The following SPRING1 variants were observed in gnomAD, a reference collection of about 807,000 sequenced individuals.
SPRING1 encodes SREBF pathway regulator in golgi 1.
A neutral mutation model predicts 24.7 loss-of-function variants in SPRING1; 14 were observed. The ratio of observed to expected loss-of-function variants is 0.57; its 90% CI spans 0.37 to 0.88. SPRING1 has a LOEUF of 0.88. SPRING1 is among the 40% of genes least tolerant of loss of function. The pLI, the probability that SPRING1 is intolerant of heterozygous loss-of-function variation, is 0.00. For synonymous variants in SPRING1, 93 were observed against 106.1 expected (o/e 0.88, Z 0.76); for missense variants, 255 against 268.4 (o/e 0.95, Z 0.35).
chr12:116,717,861 G>C lies in SPRING1; in HGVS notation c.567C>G (p.Pro189=). 1 of 1,608,720 alleles carries C rather than the reference G, an allele frequency of 6.2e-7. No homozygotes were observed. ...SVQHENTYRD[P]IAKYCYGESP... The stretch of plus-strand genomic sequence containing the variant: ...TTTCTCCATAGCAATACTTTGCTAT[G>C]GGGTCCCGGTAGGTGTTCTCATGCT... The change falls in exon 5 of 5, where the codon CCC becomes CCG. Residue 189 remains proline, a synonymous_variant. Coordinates refer to ENST00000261318, the MANE Select transcript of SPRING1 (RefSeq NM_024738.4). The surrounding 1 kb of genome is among the most constrained non-coding windows in gnomAD (Gnocchi z 4.2).
At position 116,720,614 on chromosome 12, in the gene SPRING1, T is replaced by C. The variant is rs1326271928; in HGVS notation, c.269-167A>G. The stretch of plus-strand genomic sequence containing the variant: ...TGGACATAATGTGAGTGGGGCTTAC[T>C]TTCCCCAGGCAGTCGTTTCCAGGAA... On this transcript the variant is annotated intron_variant, in intron 2 of 4. Transcript: ENST00000261318. This position sits in a 1 kb window ranked among gnomAD's most constrained non-coding sequence, Gnocchi z 4.0. Among the ~76,000 whole-genome samples, 1 of 151,740 alleles carries C rather than the reference T, an allele frequency of 6.6e-6. No homozygotes were observed. The highest frequency in any genetic ancestry group is 6.6e-5 in the Admixed American group (1 of 15,206).
Position 116,717,055 on chromosome 12 carries a change from T to C in SPRING1, c.*755A>G, listed in dbSNP as rs1244490972. ...CTCTCCATAGGGTATATGAGCACAT[T>C]CGACTACCACTGGAAAATAACCTGA... On this transcript the variant is annotated 3_prime_UTR_variant, in exon 5 of 5. Transcript: ENST00000261318. The surrounding 1 kb of genome is among the most constrained non-coding windows in gnomAD (Gnocchi z 4.2). 6.6e-6 allele frequency: 1 copy of C among 152,238 alleles called. No individual in the cohort carries two copies. Among genetic ancestry groups the C allele is most frequent in the Admixed American group, 6.5e-5 (1 of 15,274 alleles). 9.4% of individuals were successfully genotyped at this position (152,238 alleles called of 1,614,324 possible). A position where few individuals can be genotyped will look rare whatever the true frequency, so the allele number is the denominator to read the frequency against.
In SPRING1 at chr12:116,737,837, C is replaced by G; in HGVS notation, c.64G>C (p.Val22Leu). The change falls in exon 1 of 5, where the codon GTC becomes CTC. Residue 22 changes from valine to leucine, a missense_variant. Transcript: ENST00000261318. ...LLRKRWVLAL[V>L]FGLSLVYFLS... is the part of the protein sequence containing the mutation. ...AAGTAGACGAGCGACAGCCCGAAGACCAGGGCGAGCACCCACCTCTTCCGC... is the reference window on the plus strand; with the variant it reads ...AAGTAGACGAGCGACAGCCCGAAGAGCAGGGCGAGCACCCACCTCTTCCGC... The G allele has an allele frequency of 6.3e-7, 1 of 1,595,148 alleles. No individual in the cohort carries two copies. The highest frequency in any genetic ancestry group is 2.4e-5 in the East Asian group (1 of 41,368).
chr12:116,733,587 G>T (rs185625444), intron 1 of SPRING1, among the ~76,000 whole-genome samples: 2 of 152,056 alleles, frequency 1.3e-5, no homozygotes, highest in African/African-American at 4.8e-5. Flanking sequence ...AAATATTTTT[G>T]TACAGCTTTA....
At chr12:116,735,877 C>G (rs892766453) in intron 1 of SPRING1, among the ~76,000 whole-genome samples, 3 of 150,122 alleles carry the variant, frequency 2.0e-5, no homozygotes, top group Non-Finnish European at 3.0e-5. Flanking sequence ...CCCGTTTCTA[C>G]TAAAAATACA....
chr12:116,735,067 T>C (rs1342334949), intron 1 of SPRING1, among the ~76,000 whole-genome samples: 1 of 151,952 alleles, frequency 6.6e-6, no homozygotes, highest in African/African-American at 2.4e-5. Context: ...TCTGAAGAAA[T>C]GAGCAGATTC....
chr12:116,711,219 C>T lies in SPRING1; in HGVS notation c.*6591G>A, dbSNP rs552941706. On this transcript the variant is annotated 3_prime_UTR_variant, in exon 5 of 5. Coordinates refer to ENST00000261318, the MANE Select transcript of SPRING1 (RefSeq NM_024738.4). Reference sequence around the variant, plus strand: ...CACAGGACAGGACAACACTCTCTCTCGCTCTCTCTCTTCCTTAAGAATAGT... The same window carrying T: ...CACAGGACAGGACAACACTCTCTCTTGCTCTCTCTCTTCCTTAAGAATAGT... 2 of 152,376 alleles carry T rather than the reference C, an allele frequency of 1.3e-5. No homozygotes were observed. Among genetic ancestry groups the T allele is most frequent in the South Asian group, 2.1e-4 (1 of 4,830 alleles). The allele number at this position is 152,376 out of a possible 1,614,324, so 9.4% of individuals were successfully genotyped here.
At position 116,737,962 on chromosome 12, in the gene SPRING1, C is replaced by A. The variant is rs1410254700; in HGVS notation, c.-62G>T. 1.4e-5 allele frequency: 18 copies of A among 1,266,146 alleles called. No homozygotes were observed. Among genetic ancestry groups the A allele is most frequent in the South Asian group, 8.2e-5 (3 of 36,524 alleles). The allele number at this position is 1,266,146 out of a possible 1,614,324, so 78.4% of individuals were successfully genotyped here. On this transcript the variant is annotated 5_prime_UTR_variant, in exon 1 of 5. Transcript: ENST00000261318. ...GAACGCGGCAGGCCCGGGTCCCGGG[C>A]GGCATGGCCCCTACGCGCCCGGCAG...
chr12:116,723,092 C>T lies in SPRING1; in HGVS notation c.243G>A (p.Gly81=), dbSNP rs750015586. The stretch of plus-strand genomic sequence containing the variant: ...CGAGTTCATCCGTGATGAGGTGCTT[C>T]CCTTGAATGGAGTTGCGGCACTGAT... ...PSNQCRNSIQ[G]KHLITDELGY... Residue 81 remains glycine (G), a synonymous_variant, in exon 2 of 5, where the codon GGG becomes GGA. Transcript: ENST00000261318. The T allele has an allele frequency of 1.2e-5, 19 of 1,612,536 alleles. No individual in the cohort carries two copies. The South Asian group carries it at 2.0e-4, about 17-fold the overall frequency.
rs1870529269 is a variant in SPRING1, at chr12:116,723,235, C to T, written c.112-12G>A. Reference sequence around the variant, plus strand: ...ACTGCCCTCTCCTCCTGCAAAGAAACCATAAGTGAGAAGGTTAAGTATCCA... The same window carrying T: ...ACTGCCCTCTCCTCCTGCAAAGAAATCATAAGTGAGAAGGTTAAGTATCCA... On this transcript the variant is annotated splice_polypyrimidine_tract_variant and intron_variant, in intron 1 of 4. Transcript: ENST00000261318. 6 of 1,613,788 alleles carry T rather than the reference C, an allele frequency of 3.7e-6. No individual in the cohort carries two copies. The highest frequency in any genetic ancestry group is 5.1e-6 in the Non-Finnish European group (6 of 1,179,912).
At chr12:116,733,078 C>A (rs537260707) in intron 1 of SPRING1, among the ~76,000 whole-genome samples, 2 of 152,128 alleles carry the variant, frequency 1.3e-5, no homozygotes, top group African/African-American at 2.4e-5. Flanking sequence ...CTGAAAAAAG[C>A]GTTTTAAGTG....
chr12:116,724,976 T>C lies in SPRING1; in HGVS notation c.112-1753A>G, dbSNP rs144543436. Among the ~76,000 whole-genome samples, 418 of 152,318 alleles carry C rather than the reference T, an allele frequency of 2.7e-3. 1 individual carries two copies. Among genetic ancestry groups the C allele is most frequent in the African/African-American group, 9.5e-3 (396 of 41,564 alleles). ...GTTGCAGACCACTGCATGCCTATAG[T>C]GTATTATCAAGGGAAAAAGCAAGTT... is the stretch of plus-strand genomic sequence containing the variant. On this transcript the variant is annotated intron_variant, in intron 1 of 4. Transcript: ENST00000261318.
intron 3 of SPRING1, 72 bp from the exon 4 acceptor site, chr12:116,719,948 T>A (rs1566056478): frequency 7.7e-7 from 1 of 1,306,526 alleles, no homozygotes; most frequent in Non-Finnish European, 1.1e-6. Context: ...CTATCTCTCC[T>A]AAACTAAGAG....
Position 116,717,036 on chromosome 12 carries a change from A to G in SPRING1, c.*774T>C, listed in dbSNP as rs1870170100. ...GATTTCTGCTAAAACAGTGCTCTCC[A>G]TAGGGTATATGAGCACATTCGACTA... On this transcript the variant is annotated 3_prime_UTR_variant, in exon 5 of 5. Coordinates refer to ENST00000261318, the MANE Select transcript of SPRING1 (RefSeq NM_024738.4). This position sits in a 1 kb window ranked among gnomAD's most constrained non-coding sequence, Gnocchi z 4.2. 6.6e-6 allele frequency: 1 copy of G among 152,312 alleles called. No homozygotes were observed. The highest frequency in any genetic ancestry group is 1.5e-5 in the Non-Finnish European group (1 of 68,040). The allele number at this position is 152,312 out of a possible 1,614,324, so 9.4% of individuals were successfully genotyped here.
rs1351103593 is a variant in SPRING1 at position 116,728,623 on chromosome 12, A to G, written c.112-5400T>C. Among the ~76,000 whole-genome samples, 2 of 152,266 alleles carry G rather than the reference A, an allele frequency of 1.3e-5. No individual in the cohort carries two copies. Among genetic ancestry groups the G allele is most frequent in the African/African-American group, 2.4e-5 (1 of 41,472 alleles). On this transcript the variant is annotated intron_variant, in intron 1 of 4. Transcript: ENST00000261318. The surrounding 1 kb of genome is among the most constrained non-coding windows in gnomAD (Gnocchi z 4.2). Reference sequence around the variant, plus strand: ...AGGCAAAAGCTGCCGCATCTGCGCCATGAGTTTCCAGTCTCACCGCAGCGG... The same window carrying G: ...AGGCAAAAGCTGCCGCATCTGCGCCGTGAGTTTCCAGTCTCACCGCAGCGG...
chr12:116,734,255 T>C (rs1356532349), intron 1 of SPRING1, among the ~76,000 whole-genome samples: 2 of 152,168 alleles, frequency 1.3e-5, no homozygotes, highest in Non-Finnish European at 2.9e-5. Flanking sequence ...ATACCTTCCA[T>C]CGTGTTGCAA....
chr12:116,724,674 T>C (rs908322605), intron 1 of SPRING1, among the ~76,000 whole-genome samples: 2 of 152,096 alleles, frequency 1.3e-5, no homozygotes, highest in African/African-American at 4.8e-5. Context: ...CAAAACTCCA[T>C]CTCAAAAACA....
intron 1 of SPRING1, among the ~76,000 whole-genome samples, chr12:116,737,070 GGCAGGT>G (rs1257861840): frequency 6.6e-6 from 1 of 152,220 alleles, no homozygotes; most frequent in Non-Finnish European, 1.5e-5. Context: ...CTCTGGACCG[GGCAGGT>G]GAAAAGCAGG....
chr12:116,725,484 TC>T (rs1849293721), intron 1 of SPRING1, among the ~76,000 whole-genome samples: 1 of 152,200 alleles, frequency 6.6e-6, no homozygotes, highest in Non-Finnish European at 1.5e-5. Flanking sequence ...TTATCTTTAA[TC>T]ATTTTGGGAA....
Sources: gnomAD v4.1 joint callset for allele counts (sites outside exome capture counted in the v4.1 genomes callset) on GRCh38, gnomAD v4.1.1 for gene constraint, Gnocchi (gnomAD v3.1) non-coding constraint, MANE v1.5 for transcripts, NCBI Gene and HGNC (gene_info 2026-07-23, HGNC 2026-07-21) for gene names.